Variants in ADAMTSL1 observed in about 807,000 individuals in gnomAD.
ADAMTSL1 encodes the protein ADAMTS-like protein 1.
In ADAMTSL1, 126 loss-of-function variants were observed where a neutral mutation model predicts 201.8. The observed-to-expected ratio is 0.62, with a 90% CI of 0.54 to 0.72. The LOEUF (loss-of-function observed/expected upper bound fraction) is 0.72, where lower values mean the gene tolerates loss of function less well. Ranked by LOEUF, ADAMTSL1 falls within the 30% of genes least tolerant of loss-of-function variation. The pLI is 0.00. For missense variants in ADAMTSL1, 2,679 were observed against 2,277.8 expected (o/e 1.18, Z -3.59); for synonymous variants, 1,121 against 903.4 (o/e 1.24, Z -4.32).
At chr9:18,509,954 C>G (rs939091984) in intron 2 of ADAMTSL1, among the ~76,000 whole-genome samples, 1 of 152,160 alleles carries the variant, frequency 6.6e-6, no homozygotes. Context: ...AGTTCAGTCA[C>G]CTTATATACC....
At chr9:18,754,942 CACA>C (rs1819666051) in intron 16 of ADAMTSL1, among the ~76,000 whole-genome samples, 1 of 152,118 alleles carries the variant, frequency 6.6e-6, no homozygotes, top group South Asian at 2.1e-4. Flanking sequence ...AGTAAATCCT[CACA>C]ACAATTCAGT....
chr9:18,626,878 C>T (rs13301966), intron 5 of ADAMTSL1, among the ~76,000 whole-genome samples: 19,723 of 89,224 alleles, frequency 0.22, 1,581 homozygotes, highest in Admixed American at 0.28. Flanking sequence ...TGTCTTTCTT[C>T]CTTCCTTCCT....
intron 1 of ADAMTSL1, among the ~76,000 whole-genome samples, chr9:17,987,573 C>G (rs1360981400): frequency 6.6e-6 from 1 of 151,962 alleles, no homozygotes; most frequent in Non-Finnish European, 1.5e-5. Context: ...GTTAAGCAGT[C>G]TTTTTAAAAG....
intron 1 of ADAMTSL1, among the ~76,000 whole-genome samples, chr9:17,988,586 T>C (rs958251065): frequency 6.6e-6 from 1 of 151,546 alleles, no homozygotes; most frequent in Admixed American, 6.6e-5. Flanking sequence ...AGAAATTTAT[T>C]GGAAGAGATG....
At chr9:18,757,703 G>C (rs1819853126) in intron 16 of ADAMTSL1, among the ~76,000 whole-genome samples, 1 of 152,128 alleles carries the variant, frequency 6.6e-6, no homozygotes, top group African/African-American at 2.4e-5. Flanking sequence ...GTGTTCAGGG[G>C]CAGACAGCTA....
Position 18,908,709 on chromosome 9 carries a change from C to T in ADAMTSL1, c.*161C>T, listed in dbSNP as rs1339796195. ...CCACCTCCACCTTCAAGCATAAGGACGTCCGCGTGTTTTCTCTTTCAGTTA... is the reference window on the plus strand; with the variant it reads ...CCACCTCCACCTTCAAGCATAAGGATGTCCGCGTGTTTTCTCTTTCAGTTA... On this transcript the variant is annotated 3_prime_UTR_variant, in exon 29 of 29. Coordinates refer to ENST00000380548, the MANE Select transcript of ADAMTSL1 (RefSeq NM_001040272.6). 2.2e-5 allele frequency: 13 copies of T among 592,322 alleles called. No individual in the cohort carries two copies. Among genetic ancestry groups the T allele is most frequent in the African/African-American group, 3.8e-5 (2 of 53,226 alleles). The allele number at this position is 592,322 out of a possible 1,614,324, so 36.7% of individuals were successfully genotyped here. A position where few individuals can be genotyped will look rare whatever the true frequency, so the allele number is the denominator to read the frequency against.
chr9:18,472,377 C>T (rs1821249071), upstream of ADAMTSL1, among the ~76,000 whole-genome samples: 1 of 152,162 alleles, frequency 6.6e-6, no homozygotes, highest in Non-Finnish European at 1.5e-5. Context: ...TAAAACAAAT[C>T]TTTCTAAAAG....
intron 1 of ADAMTSL1, among the ~76,000 whole-genome samples, chr9:18,048,681 G>T (rs867035797): frequency 1.3e-5 from 2 of 152,088 alleles, no homozygotes; most frequent in Admixed American, 6.6e-5. Context: ...GAATGGTTGG[G>T]GTTTGACAGC....
intron 2 of ADAMTSL1, among the ~76,000 whole-genome samples, chr9:18,528,744 C>T (rs1200777485): frequency 6.6e-6 from 1 of 152,140 alleles, no homozygotes; most frequent in Non-Finnish European, 1.5e-5. Flanking sequence ...GACCCAGTTT[C>T]TGAGTTCATA....
chr9:18,718,080 AT>A, intron 14 of ADAMTSL1: 1 of 1,451,744 alleles, frequency 6.9e-7, no homozygotes, highest in Admixed American at 1.7e-5. Context: ...TTTATTTTGA[AT>A]TTTGTAGAAG....
At chr9:17,964,077 G>T (rs1817876600) in intron 1 of ADAMTSL1, among the ~76,000 whole-genome samples, 1 of 152,112 alleles carries the variant, frequency 6.6e-6, no homozygotes, top group South Asian at 2.1e-4. Flanking sequence ...TGAAAACCAT[G>T]TTTCCTTGAC....
chr9:18,426,935 G>A (rs1563953519), intron 2 of ADAMTSL1, among the ~76,000 whole-genome samples: 1 of 152,080 alleles, frequency 6.6e-6, no homozygotes, highest in Non-Finnish European at 1.5e-5. Flanking sequence ...ATTACAAAAG[G>A]TTTTATTGGG....
At chr9:18,063,436 C>G (rs536456667) in intron 1 of ADAMTSL1, among the ~76,000 whole-genome samples, 2 of 152,342 alleles carry the variant, frequency 1.3e-5, no homozygotes, top group East Asian at 1.9e-4. Flanking sequence ...GAGGAAAATA[C>G]TGTATTCTGA....
At chr9:17,985,343 G>A (rs1043346080) in intron 1 of ADAMTSL1, among the ~76,000 whole-genome samples, 2 of 151,910 alleles carry the variant, frequency 1.3e-5, no homozygotes, top group Admixed American at 1.3e-4. Context: ...AACTTTAAAT[G>A]TTAAAATGTT....
At chr9:18,029,793 A>G (rs973985980) in intron 1 of ADAMTSL1, among the ~76,000 whole-genome samples, 1 of 152,250 alleles carries the variant, frequency 6.6e-6, no homozygotes, top group Admixed American at 6.5e-5. Flanking sequence ...AACACATGAA[A>G]AAACGCTCTT....
chr9:18,880,088 C>A (rs187606015), intron 23 of ADAMTSL1, among the ~76,000 whole-genome samples: 17 of 152,282 alleles, frequency 1.1e-4, no homozygotes, highest in East Asian at 7.7e-4. Flanking sequence ...TCAGTCACAT[C>A]TTCAGGCTTT....
intron 23 of ADAMTSL1, among the ~76,000 whole-genome samples, chr9:18,833,102 G>A (rs1312057871): frequency 6.6e-6 from 1 of 152,168 alleles, no homozygotes; most frequent in Non-Finnish European, 1.5e-5. Context: ...AGGGAATGTT[G>A]CCTGAGCAAC....
At chr9:18,365,437 TA>T (rs1246442359) in intron 2 of ADAMTSL1, among the ~76,000 whole-genome samples, 1 of 151,932 alleles carries the variant, frequency 6.6e-6, no homozygotes, top group African/African-American at 2.4e-5. Flanking sequence ...CAAAATTCAG[TA>T]TAGTAGATAC....
At chr9:18,765,942 A>C (rs955664217) in intron 16 of ADAMTSL1, among the ~76,000 whole-genome samples, 1 of 152,192 alleles carries the variant, frequency 6.6e-6, no homozygotes, top group African/African-American at 2.4e-5. Flanking sequence ...TGGATTATTC[A>C]AGAGACTCAG....
Sources: allele counts gnomAD v4.1 joint callset (sites outside exome capture counted in the v4.1 genomes callset), GRCh38; gene constraint gnomAD v4.1.1; transcripts MANE v1.5; gene names NCBI Gene and HGNC (gene_info 2026-07-23, HGNC 2026-07-21).